The following PRSS23 variants were observed in gnomAD, a reference collection of about 807,000 sequenced individuals.
PRSS23 encodes the protein protease, serine 23.
Under a neutral mutation model 34.7 loss-of-function variants are expected in PRSS23, and 25 were observed. The observed-to-expected ratio is 0.72, with a 90% CI of 0.53 to 1.01. The LOEUF (loss-of-function observed/expected upper bound fraction) is 1.01, where lower values mean the gene tolerates loss of function less well. Ranked by LOEUF, PRSS23 falls within the 50% of genes least tolerant of loss-of-function variation. The pLI, the probability that PRSS23 is intolerant of heterozygous loss-of-function variation, is 0.00. For synonymous variants in PRSS23, 176 were observed against 186.6 expected (o/e 0.94, Z 0.46); for missense variants, 445 against 475.6 (o/e 0.94, Z 0.60).
Position 86,808,931 on chromosome 11 carries a change from C to A in PRSS23, c.*136C>A. 1 of 737,768 alleles carries A rather than the reference C, an allele frequency of 1.4e-6. No homozygotes were observed. The highest frequency in any genetic ancestry group is 2.2e-6 in the Non-Finnish European group (1 of 457,654). The allele number at this position is 737,768 out of a possible 1,614,324, so 45.7% of individuals were successfully genotyped here. On this transcript the variant is annotated 3_prime_UTR_variant, in exon 2 of 2. Transcript: ENST00000280258. The stretch of plus-strand genomic sequence containing the variant: ...GTGTAAGGTGTCTTATAATCTTTTA[C>A]CTATTTCTTACAATTGCAAGATGAC...
In PRSS23 at chr11:86,857,610, G is replaced by A. The variant is rs543854579; in HGVS notation, c.206+34017G>A. 56 of 514,454 alleles carry A rather than the reference G, an allele frequency of 1.1e-4. 1 individual carries two copies. The highest frequency in any genetic ancestry group is 5.5e-4 in the Admixed American group (27 of 48,830). 31.9% of individuals were successfully genotyped at this position (514,454 alleles called of 1,614,324 possible). Reference sequence around the variant, plus strand: ...CAGAGGTGAGGATTCATGATGACTCGGTAGTGCAGGGGGTGACAGATGGGC... The same window carrying A: ...CAGAGGTGAGGATTCATGATGACTCAGTAGTGCAGGGGGTGACAGATGGGC... On this transcript the variant is annotated intron_variant, in intron 2 of 2. Transcript: ENST00000533902.
intron 1 of PRSS23, among the ~76,000 whole-genome samples, 186 bp from the exon 2 acceptor site, chr11:86,807,445 T>C (rs1948114438): frequency 6.6e-6 from 1 of 152,154 alleles, no homozygotes; most frequent in Non-Finnish European, 1.5e-5. Flanking sequence ...CCACAGGAAC[T>C]TTCCTAAGGT....
intron 2 of PRSS23, among the ~76,000 whole-genome samples, chr11:86,908,549 T>G (rs935442638): frequency 1.5e-4 from 23 of 152,202 alleles, no homozygotes; most frequent in Non-Finnish European, 7.3e-5. Context: ...TAGGACTCAC[T>G]GGTCCAGTGT....
At chr11:86,799,303 A>G (rs1948003459), upstream of PRSS23, among the ~76,000 whole-genome samples, 1 of 152,224 alleles carries the variant, frequency 6.6e-6, no homozygotes, top group Non-Finnish European at 1.5e-5. Context: ...CTCATGTAAA[A>G]GTAATTGCAA....
At chr11:86,911,715 C>T (rs1948978919) in intron 2 of PRSS23, 1 of 152,066 alleles carries the variant, frequency 6.6e-6, no homozygotes, top group Admixed American at 6.6e-5. Flanking sequence ...GTCATAGAAC[C>T]AACAATATTG....
chr11:86,853,195 T>C (rs1038252877), intron 2 of PRSS23, among the ~76,000 whole-genome samples: 14 of 149,672 alleles, frequency 9.4e-5, no homozygotes, highest in African/African-American at 3.5e-4. Flanking sequence ...CTGACGATGA[T>C]GTCTTAAAGG....
chr11:86,920,658 C>G lies in PRSS23; in HGVS notation c.207-30558C>G, dbSNP rs373457350. On this transcript the variant is annotated intron_variant, in intron 2 of 2. Transcript: ENST00000533902. ...GAATAGGTACATAAACATGATCTAT[C>G]TAGATGCCCTACCGTAAAATCAAAA... 6.6e-4 allele frequency among the ~76,000 whole-genome samples: 101 copies of G among 152,238 alleles called. 2 individuals are homozygous for G. In the South Asian group the frequency reaches 0.012, roughly 18 times the overall value.
chr11:86,919,540 C>T (rs1196677282), intron 2 of PRSS23, among the ~76,000 whole-genome samples: 1 of 152,146 alleles, frequency 6.6e-6, no homozygotes, highest in African/African-American at 2.4e-5. Context: ...AGGCTTACTC[C>T]TCATCTCAAA....
chr11:86,949,919 G>T (rs555099677), intron 2 of PRSS23: 13 of 152,700 alleles, frequency 8.5e-5, no homozygotes, highest in African/African-American at 2.6e-4. Context: ...GCTGTCCTCA[G>T]TTCCCTTTAT....
chr11:86,918,578 T>G (rs536319856), intron 2 of PRSS23, among the ~76,000 whole-genome samples: 1 of 152,320 alleles, frequency 6.6e-6, no homozygotes, highest in South Asian at 2.1e-4. Flanking sequence ...ATCCTATATA[T>G]TTTACTTTTT....
chr11:86,870,752 C>A (rs1948679537), intron 2 of PRSS23, among the ~76,000 whole-genome samples: 1 of 152,014 alleles, frequency 6.6e-6, no homozygotes, highest in South Asian at 2.1e-4. Context: ...AGTTTATTAC[C>A]CCTTTCTTCT....
chr11:86,791,795 T>G (rs1947953538), intron 1 of PRSS23, among the ~76,000 whole-genome samples: 1 of 152,238 alleles, frequency 6.6e-6, no homozygotes, highest in Admixed American at 6.5e-5. Context: ...GCACACCTGA[T>G]GGCATCCATT....
chr11:86,791,679 A>G (rs1357673249), intron 1 of PRSS23, among the ~76,000 whole-genome samples: 2 of 152,222 alleles, frequency 1.3e-5, no homozygotes, highest in Non-Finnish European at 2.9e-5. Flanking sequence ...TAAGTCTTAA[A>G]GTCAGCTCAC....
chr11:86,950,698 G>C (rs1949282761), intron 2 of PRSS23: 2 of 230,140 alleles, frequency 8.7e-6, no homozygotes, highest in South Asian at 1.4e-4. Flanking sequence ...AGTGTTTATA[G>C]ATTGCTTTGC....
At chr11:86,919,970 T>C (rs1043714436) in intron 2 of PRSS23, among the ~76,000 whole-genome samples, 2 of 152,178 alleles carry the variant, frequency 1.3e-5, no homozygotes, top group African/African-American at 4.8e-5. Context: ...AGCCTCAACT[T>C]GGCCAATGTT....
chr11:86,878,792 G>T (rs532045478), intron 2 of PRSS23, among the ~76,000 whole-genome samples: 3 of 150,528 alleles, frequency 2.0e-5, no homozygotes, highest in African/African-American at 7.3e-5. Flanking sequence ...GTCTCTGCCC[G>T]GCCACCATCC....
At chr11:86,921,238 G>GA (rs1358641742) in intron 2 of PRSS23, 1 of 152,128 alleles carries the variant, frequency 6.6e-6, no homozygotes, top group African/African-American at 2.4e-5. Flanking sequence ...AATATTACCT[G>GA]AAGGTTGTGT....
intron 2 of PRSS23, among the ~76,000 whole-genome samples, chr11:86,876,732 TAAA>T (rs10594558): frequency 2.0e-5 from 3 of 149,678 alleles, no homozygotes; most frequent in East Asian, 1.9e-4. Context: ...AACATTGCAA[TAAA>T]AAAAAAAACG....
intron 2 of PRSS23, among the ~76,000 whole-genome samples, chr11:86,840,003 A>G (rs529494153): frequency 6.6e-6 from 1 of 152,128 alleles, no homozygotes; most frequent in South Asian, 2.1e-4. Flanking sequence ...AAACATGCCA[A>G]ATTGTAAAGA....
Sources: gnomAD v4.1 joint callset for allele counts (sites outside exome capture counted in the v4.1 genomes callset) on GRCh38, gnomAD v4.1.1 for gene constraint, MANE v1.5 for transcripts, NCBI Gene and HGNC (gene_info 2026-07-23, HGNC 2026-07-21) for gene names.